Variants in OC90 observed in about 807,000 individuals in gnomAD.
The protein encoded by OC90 is otoconin-90.
Under a neutral mutation model 47.3 loss-of-function variants are expected in OC90, and 46 were observed. The ratio of observed to expected loss-of-function variants is 0.97; its 90% confidence interval spans 0.77 to 1.24. OC90 has a LOEUF of 1.24. Ranked by LOEUF, OC90 falls within the 50% of genes most tolerant of loss-of-function variation. The probability of loss-of-function intolerance (pLI) is 0.00; values close to 1 mark genes in which losing one functional copy is unlikely to be tolerated. For synonymous variants in OC90, 271 were observed against 219.5 expected, an observed-to-expected ratio of 1.23 and a Z score of -2.07; for missense variants, 688 against 583.9, an observed-to-expected ratio of 1.18 and a Z score of -1.84.
chr8:132,050,877 C>T (rs1273497117), intron 2 of OC90, among the ~76,000 whole-genome samples: 1 of 152,024 alleles, frequency 6.6e-6, no homozygotes, highest in Non-Finnish European at 1.5e-5. Context: ...GCATGTAATC[C>T]CAGCTACTCA....
intron 4 of OC90, among the ~76,000 whole-genome samples, 189 bp from the exon 5 acceptor site, chr8:132,041,888 C>A (rs1823059570): frequency 6.6e-6 from 1 of 152,108 alleles, no homozygotes; most frequent in South Asian, 2.1e-4. Context: ...ACCATTTAAA[C>A]CTTCTTCCTT....
At chr8:132,052,774 G>C (rs906320260) in intron 2 of OC90, among the ~76,000 whole-genome samples, 3 of 152,208 alleles carry the variant, frequency 2.0e-5, no homozygotes, top group African/African-American at 7.2e-5. Flanking sequence ...CACCTGTCCT[G>C]TTCCAGGAGC....
At chr8:132,056,269 G>A (rs1018248717) in intron 1 of OC90, among the ~76,000 whole-genome samples, 33 of 152,234 alleles carry the variant, frequency 2.2e-4, no homozygotes, top group African/African-American at 5.8e-4. Flanking sequence ...AGACTGCCCC[G>A]TATTCTGGTG....
At position 132,024,441 on chromosome 8, in the gene OC90, A is replaced by G; in HGVS notation, c.*40T>C. ...GATAAAGAGCTGAAGGTGGAGCAGG[A>G]GCCACGCTACTGAAGGTGTTAGCCA... On this transcript the variant is annotated 3_prime_UTR_variant, in exon 14 of 14. Coordinates refer to ENST00000254627, the MANE Select transcript of OC90 (RefSeq NM_001080399.3). 1 of 1,455,036 alleles carries G rather than the reference A, an allele frequency of 6.9e-7. No individual in the cohort carries two copies. Among genetic ancestry groups the G allele is most frequent in the Non-Finnish European group, 9.3e-7 (1 of 1,078,430 alleles). 90.1% of individuals were successfully genotyped at this position (1,455,036 alleles called of 1,614,324 possible).
intron 10 of OC90, among the ~76,000 whole-genome samples, chr8:132,033,394 G>A (rs1012755977): frequency 6.6e-6 from 1 of 152,132 alleles, no homozygotes; most frequent in Non-Finnish European, 1.5e-5. Flanking sequence ...AGACCACCTG[G>A]ATGACATCCC....
chr8:132,051,214 A>G (rs571582257), intron 2 of OC90, among the ~76,000 whole-genome samples: 22 of 152,266 alleles, frequency 1.4e-4, no homozygotes, highest in African/African-American at 4.8e-4. Context: ...AACCCCAGCC[A>G]AGTACTCTCA....
At chr8:132,025,938 G>A (rs918139445) in intron 13 of OC90, among the ~76,000 whole-genome samples, 2 of 152,220 alleles carry the variant, frequency 1.3e-5, no homozygotes, top group Non-Finnish European at 2.9e-5. Context: ...TGTTAGATTT[G>A]ATGGTTACTT....
chr8:132,053,786 A>T (rs190373572), intron 2 of OC90, among the ~76,000 whole-genome samples: 1 of 152,234 alleles, frequency 6.6e-6, no homozygotes, highest in Admixed American at 6.5e-5. Flanking sequence ...GGGCCAAGGG[A>T]TCTCCCTCTC....
chr8:132,047,296 A>T (rs978703268), intron 2 of OC90, among the ~76,000 whole-genome samples: 1 of 150,750 alleles, frequency 6.6e-6, no homozygotes, highest in Non-Finnish European at 1.5e-5. Context: ...ACTATTACTT[A>T]TTAATGCGTA....
intron 2 of OC90, among the ~76,000 whole-genome samples, chr8:132,052,406 T>A (rs1429174514): frequency 6.6e-6 from 1 of 152,192 alleles, no homozygotes; most frequent in Non-Finnish European, 1.5e-5. Flanking sequence ...ATAGTAAAAT[T>A]TGCCTGTTCC....
At chr8:132,054,830 A>C in intron 2 of OC90, 151 bp downstream of exon 2, 1 of 511,412 alleles carries the variant, frequency 2.0e-6, no homozygotes, top group Non-Finnish European at 3.4e-6. Context: ...ACAGAGAGGA[A>C]TATGTTTAAC....
At chr8:132,051,996 C>T (rs1823217367) in intron 2 of OC90, among the ~76,000 whole-genome samples, 1 of 152,058 alleles carries the variant, frequency 6.6e-6, no homozygotes, top group Non-Finnish European at 1.5e-5. Flanking sequence ...ACAAAACAGG[C>T]TGATTGTGGT....
rs763241866 is a variant in OC90 at position 132,039,032 on chromosome 8, G to A, written c.549C>T (p.Asn183=). Reference sequence around the variant, plus strand: ...CCAGGCAGAAGGAGGTGTCCAGAAGGTTCAGGGAAGAGTTGAGGCTGGATC... The same window carrying A: ...CCAGGCAGAAGGAGGTGTCCAGAAGATTCAGGGAAGAGTTGAGGCTGGATC... The part of the protein sequence containing the change: ...LARSSLNSSL[N]LLDTSFCLAQ... Residue 183 remains asparagine, a synonymous_variant, in exon 7 of 14, where the codon AAC becomes AAT. Transcript: ENST00000254627. The A allele has an allele frequency of 6.8e-6, 11 of 1,613,978 alleles. No individual in the cohort carries two copies. Among genetic ancestry groups the A allele is most frequent in the Non-Finnish European group, 7.6e-6 (9 of 1,179,880 alleles).
At chr8:132,045,661 G>T (rs1481811888) in intron 3 of OC90, among the ~76,000 whole-genome samples, 157 bp downstream of exon 3, 1 of 152,216 alleles carries the variant, frequency 6.6e-6, no homozygotes, top group Admixed American at 6.5e-5. Context: ...AGGGGAGATT[G>T]TTGGGGAGAT....
At chr8:132,058,912 T>G (rs975994868) in intron 1 of OC90, among the ~76,000 whole-genome samples, 5 of 152,016 alleles carry the variant, frequency 3.3e-5, no homozygotes, top group Non-Finnish European at 7.4e-5. Context: ...CTCAGAGCAA[T>G]TTGGGTTTTC....
chr8:132,024,228 T>C lies in OC90; in HGVS notation c.*253A>G. The stretch of plus-strand genomic sequence containing the variant: ...AACAATCAGAGCATGTTGATTGGAG[T>C]ATTTATTGAGCTTCCACAGTGCACT... On this transcript the variant is annotated 3_prime_UTR_variant, in exon 14 of 14. Transcript: ENST00000254627. 1 of 392,040 alleles carries C rather than the reference T, an allele frequency of 2.6e-6. No individual in the cohort carries two copies. The highest frequency in any genetic ancestry group is 4.6e-6 in the Non-Finnish European group (1 of 219,344). The allele number at this position is 392,040 out of a possible 1,614,324, so 24.3% of individuals were successfully genotyped here. A position where few individuals can be genotyped will look rare whatever the true frequency, so the allele number is the denominator to read the frequency against.
chr8:132,050,245 G>A (rs1437609687), intron 2 of OC90, among the ~76,000 whole-genome samples: 4 of 152,160 alleles, frequency 2.6e-5, no homozygotes, highest in Admixed American at 2.0e-4. Context: ...GACTGCAAAG[G>A]GAGGAGGATA....
intron 13 of OC90, among the ~76,000 whole-genome samples, chr8:132,025,731 T>C (rs1222347716): frequency 6.6e-6 from 1 of 152,202 alleles, no homozygotes; most frequent in East Asian, 1.9e-4. Flanking sequence ...CAGTAAACTC[T>C]TTTTTCTGCC....
chr8:132,041,860 C>T (rs1263225512), intron 4 of OC90, among the ~76,000 whole-genome samples, 161 bp from the exon 5 acceptor site: 1 of 152,194 alleles, frequency 6.6e-6, no homozygotes, highest in Non-Finnish European at 1.5e-5. Context: ...ATCATCCCTG[C>T]TGGTTTTCTA....
Sources: gnomAD v4.1 joint callset for allele counts (sites outside exome capture counted in the v4.1 genomes callset) on GRCh38, gnomAD v4.1.1 for gene constraint, MANE v1.5 for transcripts, NCBI Gene and HGNC (gene_info 2026-07-23, HGNC 2026-07-21) for gene names.